APBB1IP: variants seen among roughly 807,000 people sequenced by gnomAD.
The protein encoded by APBB1IP is amyloid beta A4 precursor protein-binding family B member 1-interacting protein.
APBB1IP carries 27 observed loss-of-function variants against 64.9 expected under a neutral mutation model. The ratio of observed to expected loss-of-function variants is 0.42; its 90% CI spans 0.31 to 0.57. The LOEUF is 0.57. Ranked by LOEUF, APBB1IP falls within the 20% of genes least tolerant of loss-of-function variation. The pLI, the probability that APBB1IP is intolerant of heterozygous loss-of-function variation, is 0.20. For missense variants in APBB1IP, 812 were observed against 845.5 expected, an observed-to-expected ratio of 0.96 and a Z score of 0.49; for synonymous variants, 392 against 331.0, an observed-to-expected ratio of 1.18 and a Z score of -2.00.
intron 2 of APBB1IP, among the ~76,000 whole-genome samples, chr10:26,476,780 C>T (rs1458268151): frequency 6.6e-6 from 1 of 151,960 alleles, no homozygotes; most frequent in East Asian, 1.9e-4. Flanking sequence ...CCAACAATGT[C>T]CACTTTTCTG....
intron 8 of APBB1IP, among the ~76,000 whole-genome samples, chr10:26,514,572 A>G (rs996650673): frequency 1.3e-5 from 2 of 152,200 alleles, no homozygotes; most frequent in Non-Finnish European, 2.9e-5. Context: ...GGCCTCAAGC[A>G]ACTATAATTG....
chr10:26,466,947 T>G (rs1242797561), intron 2 of APBB1IP, among the ~76,000 whole-genome samples: 1 of 151,822 alleles, frequency 6.6e-6, no homozygotes, highest in African/African-American at 2.4e-5. Context: ...AAAAAAAAAA[T>G]TATGTAGTTG....
intron 4 of APBB1IP, among the ~76,000 whole-genome samples, chr10:26,497,713 T>C (rs2132434874): frequency 1.4e-5 from 2 of 146,618 alleles, no homozygotes; most frequent in African/African-American, 2.5e-5. Context: ...TTTATTTCTG[T>C]CCTCTGGATT....
intron 2 of APBB1IP, among the ~76,000 whole-genome samples, chr10:26,439,060 CG>C (rs1337023729): frequency 6.6e-6 from 1 of 152,120 alleles, no homozygotes; most frequent in Non-Finnish European, 1.5e-5. Flanking sequence ...GGACCCGGCT[CG>C]CGAGGGTGGG....
Position 26,567,481 on chromosome 10 carries a change from T to A in APBB1IP, c.1994T>A (p.Val665Glu). 6.3e-7 allele frequency: 1 copy of A among 1,575,648 alleles called. No homozygotes were observed. Among genetic ancestry groups the A allele is most frequent in the Non-Finnish European group, 8.7e-7 (1 of 1,154,380 alleles). The change falls in exon 15 of 15, where the codon GTG (valine) becomes GAG (glutamate). Residue 665 changes from valine to glutamate, a missense_variant. Transcript: ENST00000376236. The stretch of plus-strand genomic sequence containing the variant: ...GCTTTGCAAAAGAAGAGAGGCAACG[T>A]GTCCTAGGGACGGGCATGATGAGTG... ...MKALQKKRGN[V>E]S is the part of the protein sequence containing the mutation.
chr10:26,566,234 C>A (rs974793092), intron 14 of APBB1IP, among the ~76,000 whole-genome samples: 46 of 152,032 alleles, frequency 3.0e-4, no homozygotes, highest in Non-Finnish European at 2.9e-5. Flanking sequence ...ACCTGGGCAA[C>A]ACAGCGAGAC....
intron 11 of APBB1IP, among the ~76,000 whole-genome samples, chr10:26,554,501 TTGTC>T (rs1836870544): frequency 6.6e-6 from 1 of 152,224 alleles, no homozygotes; most frequent in African/African-American, 2.4e-5. Flanking sequence ...TTCTTTGTCT[TTGTC>T]TGTGTCTGTT....
intron 14 of APBB1IP, among the ~76,000 whole-genome samples, chr10:26,566,265 T>TAG (rs968524502): frequency 2.6e-5 from 4 of 151,756 alleles, no homozygotes; most frequent in Admixed American, 2.0e-4. Context: ...AAAATATATA[T>TAG]AGAGAGAGAG....
intron 11 of APBB1IP, among the ~76,000 whole-genome samples, chr10:26,545,577 G>A (rs1009675033): frequency 3.5e-4 from 53 of 152,070 alleles, no homozygotes; most frequent in Non-Finnish European, 6.3e-4. Context: ...TGGCTAACAC[G>A]GTGAAACCCC....
chr10:26,524,584 A>T (rs1023644079), intron 8 of APBB1IP, among the ~76,000 whole-genome samples: 30 of 152,178 alleles, frequency 2.0e-4, no homozygotes, highest in African/African-American at 7.2e-4. Flanking sequence ...TAAAATCATA[A>T]ATCAATATGT....
At chr10:26,449,115 T>C (rs1022495521) in intron 2 of APBB1IP, among the ~76,000 whole-genome samples, 1 of 152,210 alleles carries the variant, frequency 6.6e-6, no homozygotes, top group Non-Finnish European at 1.5e-5. Flanking sequence ...TCTTTCCTTG[T>C]TAAGAATGGT....
At chr10:26,526,416 T>C (rs1836474289) in intron 8 of APBB1IP, among the ~76,000 whole-genome samples, 1 of 152,202 alleles carries the variant, frequency 6.6e-6, no homozygotes, top group Non-Finnish European at 1.5e-5. Flanking sequence ...TAACTTTCTT[T>C]TGCTAACTTA....
At chr10:26,494,946 A>G (rs1836001556) in intron 3 of APBB1IP, among the ~76,000 whole-genome samples, 1 of 152,144 alleles carries the variant, frequency 6.6e-6, no homozygotes, top group African/African-American at 2.4e-5. Flanking sequence ...GTTGGCTTAG[A>G]GGAAGGGGTG....
intron 8 of APBB1IP, among the ~76,000 whole-genome samples, chr10:26,531,212 T>G (rs1405562345): frequency 1.3e-5 from 2 of 152,032 alleles, no homozygotes; most frequent in Non-Finnish European, 2.9e-5. Context: ...GGTGCACACC[T>G]GTAATCCCAG....
In APBB1IP at chr10:26,510,541, T is replaced by C. The variant is rs1255882847; in HGVS notation, c.532-1206T>C. 2.0e-5 allele frequency among the ~76,000 whole-genome samples: 3 copies of C among 152,162 alleles called. No homozygotes were observed. The East Asian group carries it at 5.8e-4, about 29-fold the overall frequency. On this transcript the variant is annotated intron_variant, in intron 6 of 14. Transcript: ENST00000376236. ...TGAGGCCAGGAGTTTGAAACCAACA[T>C]GGGCAACATAGTGAGACCTTGCCTC...
intron 2 of APBB1IP, among the ~76,000 whole-genome samples, chr10:26,470,274 T>C (rs703002): frequency 1 from 151,780 of 152,368 alleles, 75,600 homozygotes; most frequent in East Asian, 1. Flanking sequence ...CAGTGTTTCA[T>C]GCCTGTAATC....
At position 26,474,537 on chromosome 10, in the gene APBB1IP, T is replaced by G. The variant is rs1835754523; in HGVS notation, c.1-17790T>G. Among the ~76,000 whole-genome samples the G allele has an allele frequency of 2.0e-5, 3 of 152,250 alleles. No individual in the cohort carries two copies. In the South Asian group the frequency reaches 6.2e-4, roughly 31 times the overall value. ...ATAATAACTGAGGTAAAGCATTTGT[T>G]AATTAGCTAGAACTAAGCATTCAAC... On this transcript the variant is annotated intron_variant, in intron 2 of 14. Coordinates refer to ENST00000376236, the MANE Select transcript of APBB1IP (RefSeq NM_019043.4).
In APBB1IP at chr10:26,492,340, G is replaced by A; in HGVS notation, c.14G>A (p.Ser5Asn). MGES[S>N]EDIDQMFSTL... is the part of the protein sequence containing the mutation. ...TTCCTTTTTCAGATGGGTGAGTCAA[G>A]TGAAGACATAGACCAAATGTTCAGC... The change falls in exon 3 of 15, where the codon AGT (serine) becomes AAT (asparagine). Residue 5 changes from serine (S) to asparagine (N), a missense_variant. By Grantham distance (46) the Ser-to-Asn change is conservative. Coordinates refer to ENST00000376236, the MANE Select transcript of APBB1IP (RefSeq NM_019043.4). The A allele has an allele frequency of 6.2e-7, 1 of 1,614,038 alleles. No homozygotes were observed. The highest frequency in any genetic ancestry group is 8.5e-7 in the Non-Finnish European group (1 of 1,179,930).
chr10:26,492,206 AG>A, intron 2 of APBB1IP, 120 bp from the exon 3 acceptor site: 1 of 783,124 alleles, frequency 1.3e-6, no homozygotes, highest in South Asian at 1.7e-5. Context: ...CTCTCAATAT[AG>A]TCCTCTCCCA....
Sources: allele counts gnomAD v4.1 joint callset (sites outside exome capture counted in the v4.1 genomes callset), GRCh38; gene constraint gnomAD v4.1.1; transcripts MANE v1.5; gene names NCBI Gene and HGNC (gene_info 2026-07-23, HGNC 2026-07-21).